Variants in CEP63 observed in about 807,000 individuals in gnomAD.
CEP63 encodes the protein centrosomal protein of 63 kDa.
CEP63 carries 84 observed loss-of-function variants against 89.1 expected under a neutral mutation model. The ratio of observed to expected loss-of-function variants is 0.94; its 90% CI spans 0.79 to 1.13. The LOEUF (loss-of-function observed/expected upper bound fraction) is 1.13, where lower values mean the gene tolerates loss of function less well. Among genes scored for constraint, CEP63 ranks in the 50% most tolerant of loss-of-function variants. The probability of loss-of-function intolerance (pLI) is 0.00; values close to 1 mark genes in which losing one functional copy is unlikely to be tolerated. For missense variants in CEP63, 838 were observed against 813.3 expected (o/e 1.03, Z -0.37); for synonymous variants, 267 against 272.5 (o/e 0.98, Z 0.20).
At chr3:134,682,014 C>A in the CEP63 span, among the ~76,000 whole-genome samples, 4 of 152,192 alleles carry the variant, frequency 2.6e-5, no homozygotes, top group African/African-American at 9.6e-5. Context: ...CTGGATCACC[C>A]AGCTCCCCTT....
the CEP63 span, among the ~76,000 whole-genome samples, chr3:134,611,609 T>A: frequency 6.6e-6 from 1 of 152,264 alleles, no homozygotes; most frequent in Non-Finnish European, 1.5e-5. Context: ...ACCGAGGATG[T>A]GCTTGATGCC....
the CEP63 span, among the ~76,000 whole-genome samples, chr3:134,754,654 G>T: frequency 1.8e-4 from 27 of 152,158 alleles, no homozygotes; most frequent in Non-Finnish European, 3.8e-4. Flanking sequence ...AGTTGGGAGT[G>T]TGTCTACCCT....
chr3:134,703,295 C>CAAAA, the CEP63 span, among the ~76,000 whole-genome samples: 3 of 77,616 alleles, frequency 3.9e-5, no homozygotes, highest in Admixed American at 1.5e-4. Flanking sequence ...GACTCCGTCT[C>CAAAA]AAAAAAAAAA....
intron 12 of CEP63, among the ~76,000 whole-genome samples, chr3:134,557,013 T>C (rs1956307635): frequency 6.6e-6 from 1 of 152,178 alleles, no homozygotes; most frequent in African/African-American, 2.4e-5. Context: ...TTATGAAGAA[T>C]AATTATTAGA....
chr3:134,776,677 G>C, the CEP63 span, among the ~76,000 whole-genome samples: 3 of 152,194 alleles, frequency 2.0e-5, no homozygotes, highest in African/African-American at 4.8e-5. Flanking sequence ...CTGAAGTCAT[G>C]ATGAGGCTGA....
chr3:134,722,383 G>C, the CEP63 span, among the ~76,000 whole-genome samples: 1 of 151,536 alleles, frequency 6.6e-6, no homozygotes, highest in Non-Finnish European at 1.5e-5. Context: ...TTTTACTTCT[G>C]TAAGTTGGTA....
At chr3:134,745,086 C>T in the CEP63 span, among the ~76,000 whole-genome samples, 5 of 152,182 alleles carry the variant, frequency 3.3e-5, no homozygotes, top group Non-Finnish European at 5.9e-5. Context: ...TTCTTCCCTT[C>T]CCTGTTTCTC....
chr3:134,608,849 A>T, the CEP63 span: 2 of 1,601,626 alleles, frequency 1.2e-6, no homozygotes, highest in Non-Finnish European at 1.7e-6. Context: ...GCTGGAGCAG[A>T]GACAAGCTGG....
chr3:134,564,646 G>A lies in CEP63; in HGVS notation c.*3111G>A, dbSNP rs374756360. 1.0e-6 allele frequency: 1 copy of A among 985,386 alleles called. No homozygotes were observed. The allele number at this position is 985,386 out of a possible 1,614,324, so 61.0% of individuals were successfully genotyped here. On this transcript the variant is annotated 3_prime_UTR_variant, in exon 15 of 15. Coordinates refer to ENST00000675561, the MANE Select transcript of CEP63 (RefSeq NM_001353108.3). ...AACTGAAATAATATCTAATGGGGTCGAGAAGATTTACTGAAAATATATATT... is the reference window on the plus strand; with the variant it reads ...AACTGAAATAATATCTAATGGGGTCAAGAAGATTTACTGAAAATATATATT...
the CEP63 span, among the ~76,000 whole-genome samples, chr3:134,765,602 A>G: frequency 6.6e-6 from 1 of 152,284 alleles, no homozygotes; most frequent in Non-Finnish European, 1.5e-5. Flanking sequence ...TGAAGGGGAG[A>G]GCATGTGTAC....
the CEP63 span, among the ~76,000 whole-genome samples, chr3:134,734,098 C>T: frequency 6.6e-6 from 1 of 152,174 alleles, no homozygotes; most frequent in African/African-American, 2.4e-5. Context: ...TACATACTCA[C>T]TCTAAGGCTC....
chr3:134,551,559 G>A (rs962687185), intron 11 of CEP63, among the ~76,000 whole-genome samples: 1 of 152,004 alleles, frequency 6.6e-6, no homozygotes, highest in Non-Finnish European at 1.5e-5. Flanking sequence ...GCAGGTAGAA[G>A]CCAAATTGGA....
At chr3:134,736,362 A>G in the CEP63 span, among the ~76,000 whole-genome samples, 2 of 152,146 alleles carry the variant, frequency 1.3e-5, no homozygotes, top group African/African-American at 2.4e-5. Context: ...ACACAGGAAG[A>G]CCAGCAAAAG....
At chr3:134,712,627 CT>C in the CEP63 span, among the ~76,000 whole-genome samples, 1 of 151,810 alleles carries the variant, frequency 6.6e-6, no homozygotes, top group African/African-American at 2.4e-5. Context: ...AGTTCTTTTT[CT>C]TTTTTCTTTT....
At chr3:134,746,461 G>C in the CEP63 span, among the ~76,000 whole-genome samples, 1 of 152,130 alleles carries the variant, frequency 6.6e-6, no homozygotes, top group South Asian at 2.1e-4. Flanking sequence ...TGGGTCAAAT[G>C]GCATTTCTAG....
the CEP63 span, among the ~76,000 whole-genome samples, chr3:134,671,320 C>A: frequency 1.3e-5 from 2 of 152,016 alleles, no homozygotes; most frequent in Non-Finnish European, 2.9e-5. Context: ...ACAATAGACA[C>A]TGGGGCCTCC....
the CEP63 span, among the ~76,000 whole-genome samples, chr3:134,624,094 T>C: frequency 6.6e-6 from 1 of 152,072 alleles, no homozygotes; most frequent in Non-Finnish European, 1.5e-5. Flanking sequence ...CCCCTAAAAC[T>C]TGCTCCTTCT....
the CEP63 span, chr3:134,650,690 G>T: frequency 6.2e-6 from 5 of 806,918 alleles, no homozygotes; most frequent in Non-Finnish European, 9.3e-6. Context: ...GGGAAGCGAC[G>T]GCAGCCATGG....
Position 134,546,304 on chromosome 3 carries a change from A to T in CEP63, c.929+16A>T. The T allele has an allele frequency of 6.2e-7, 1 of 1,608,118 alleles. No homozygotes were observed. Among genetic ancestry groups the T allele is most frequent in the Non-Finnish European group, 8.5e-7 (1 of 1,175,064 alleles). On this transcript the variant is annotated intron_variant, in intron 8 of 14. Transcript: ENST00000675561. ...AAGCTATAAGGTAAATTTAATCTTA[A>T]ATATTATTCATCTTAGCCACTTAAT...
Sources: allele counts gnomAD v4.1 joint callset (sites outside exome capture counted in the v4.1 genomes callset), GRCh38; gene constraint gnomAD v4.1.1; transcripts MANE v1.5; gene names NCBI Gene and HGNC (gene_info 2026-07-23, HGNC 2026-07-21).